Variants in NTM observed in about 807,000 individuals in gnomAD.
NTM encodes IgLON family member 2.
Under a neutral mutation model 42.1 loss-of-function variants are expected in NTM, and 13 were observed. That is an observed-to-expected ratio of 0.31 (90% CI 0.20 to 0.49). The LOEUF (loss-of-function observed/expected upper bound fraction) is 0.49, where lower values mean the gene tolerates loss of function less well. NTM is among the 20% of genes least tolerant of loss of function. The probability of loss-of-function intolerance (pLI) is 0.99; values close to 1 mark genes in which losing one functional copy is unlikely to be tolerated. For missense variants in NTM, 373 were observed against 452.8 expected (o/e 0.82, Z 1.60); for synonymous variants, 187 against 179.2 (o/e 1.04, Z -0.35).
At chr11:131,386,862 T>G (rs1565450666) in intron 1 of NTM, among the ~76,000 whole-genome samples, 1 of 152,190 alleles carries the variant, frequency 6.6e-6, no homozygotes, top group Non-Finnish European at 1.5e-5. Context: ...TCTTTATCCC[T>G]TTTTTTGATT....
intron 2 of NTM, among the ~76,000 whole-genome samples, chr11:132,106,634 G>C (rs1002789809): frequency 6.6e-6 from 1 of 152,214 alleles, no homozygotes; most frequent in Admixed American, 6.5e-5. Flanking sequence ...CATCCCATCT[G>C]TCTGTACCCA....
chr11:132,040,947 G>A (rs1354645455), intron 2 of NTM, among the ~76,000 whole-genome samples: 2 of 152,098 alleles, frequency 1.3e-5, no homozygotes, highest in East Asian at 1.9e-4. Flanking sequence ...CTAGCTCCAC[G>A]GTGTTATGAA....
chr11:131,671,653 G>C, intron 1 of NTM: 1 of 964,316 alleles, frequency 1.0e-6, no homozygotes. Context: ...GAACCACCAA[G>C]ACTCAGCGGT....
intron 1 of NTM, among the ~76,000 whole-genome samples, chr11:131,686,941 A>G (rs925091314): frequency 9.2e-5 from 14 of 152,218 alleles, no homozygotes; most frequent in African/African-American, 3.1e-4. Context: ...GCCAGGGCAC[A>G]CTGGAGTGAA....
intron 4 of NTM, among the ~76,000 whole-genome samples, chr11:132,249,164 A>G (rs1566575769): frequency 1.3e-5 from 2 of 152,240 alleles, no homozygotes; most frequent in South Asian, 4.1e-4. Flanking sequence ...AACTGGCATC[A>G]GCAAAGCAAT....
rs1422280198 is a variant in NTM, at chr11:132,335,494, C to A, written c.*348C>A. The A allele has an allele frequency of 1.1e-5, 3 of 263,898 alleles. No individual in the cohort carries two copies. Among genetic ancestry groups the A allele is most frequent in the Non-Finnish European group, 2.2e-5 (3 of 135,758 alleles). 16.3% of individuals were successfully genotyped at this position (263,898 alleles called of 1,614,324 possible). ...GCTCAGCCTCTCTGCCCACAGAGTGCCCCCACGTGGAACATTCTGGAGCTG... is the reference window on the plus strand; with the variant it reads ...GCTCAGCCTCTCTGCCCACAGAGTGACCCCACGTGGAACATTCTGGAGCTG... On this transcript the variant is annotated 3_prime_UTR_variant, in exon 9 of 9. Coordinates refer to ENST00000683400, the MANE Select transcript of NTM (RefSeq NM_001352005.2).
chr11:132,199,527 A>G (rs913350772), intron 3 of NTM, among the ~76,000 whole-genome samples: 3 of 152,164 alleles, frequency 2.0e-5, no homozygotes, highest in Non-Finnish European at 2.9e-5. Flanking sequence ...TGCATTTCTC[A>G]TAGTAAGTGG....
chr11:131,767,105 CAGTA>C (rs1200852245), intron 1 of NTM: 38 of 975,704 alleles, frequency 3.9e-5, no homozygotes, highest in Admixed American at 6.2e-5. Flanking sequence ...CTGGACAAGG[CAGTA>C]AGTAAGTCTC....
chr11:131,849,488 C>G lies in NTM; in HGVS notation c.83-62076C>G, dbSNP rs368720696. On this transcript the variant is annotated intron_variant, in intron 1 of 8. Coordinates refer to ENST00000683400, the MANE Select transcript of NTM (RefSeq NM_001352005.2). ...GAAGTGCCACACACTTTTAAAGGAC[C>G]AGGTCTTTGAAAAACTCACTATCAC... 3.5e-4 allele frequency among the ~76,000 whole-genome samples: 53 copies of G among 152,046 alleles called. 1 individual carries two copies. In the South Asian group the frequency reaches 0.011, roughly 30 times the overall value.
At chr11:131,415,548 T>C (rs1231982835) in intron 1 of NTM, among the ~76,000 whole-genome samples, 1 of 151,824 alleles carries the variant, frequency 6.6e-6, no homozygotes, top group Non-Finnish European at 1.5e-5. Context: ...TAGTAAAGAG[T>C]AGAACAGAAA....
chr11:131,866,535 C>T (rs2047241333), intron 1 of NTM, among the ~76,000 whole-genome samples: 1 of 152,234 alleles, frequency 6.6e-6, no homozygotes. Flanking sequence ...AAAACTAAGA[C>T]CCACCTCACA....
At chr11:131,772,508 A>C in intron 1 of NTM, among the ~76,000 whole-genome samples, 1 of 152,186 alleles carries the variant, frequency 6.6e-6, no homozygotes, top group South Asian at 2.1e-4. Context: ...GGAAAGGACC[A>C]CATGTCTAGA....
At chr11:131,487,475 T>C (rs1189554938) in intron 1 of NTM, among the ~76,000 whole-genome samples, 1 of 152,236 alleles carries the variant, frequency 6.6e-6, no homozygotes, top group Non-Finnish European at 1.5e-5. Context: ...AAACCCCCAA[T>C]TGAAATCCAG....
chr11:131,996,320 C>T lies in NTM; in HGVS notation c.167+84672C>T, dbSNP rs558731879. Reference sequence around the variant, plus strand: ...CCTCCCCTGCACCTGCCATACCCAGCACAGCGCCTGACACACATGTAGAGT... The same window carrying T: ...CCTCCCCTGCACCTGCCATACCCAGTACAGCGCCTGACACACATGTAGAGT... On this transcript the variant is annotated intron_variant, in intron 2 of 8. Transcript: ENST00000683400. Among the ~76,000 whole-genome samples the T allele has an allele frequency of 2.6e-5, 4 of 152,246 alleles. No individual in the cohort carries two copies. The South Asian group carries it at 8.3e-4, about 32-fold the overall frequency.
At chr11:132,261,583 A>T (rs1410524546) in intron 4 of NTM, among the ~76,000 whole-genome samples, 1 of 152,184 alleles carries the variant, frequency 6.6e-6, no homozygotes, top group African/African-American at 2.4e-5. Context: ...CATGTTCCAG[A>T]CCTAGTTAGA....
chr11:131,641,387 G>T (rs1362317746), intron 1 of NTM, among the ~76,000 whole-genome samples: 1 of 152,146 alleles, frequency 6.6e-6, no homozygotes. Flanking sequence ...TTTCACATTG[G>T]AACACTTTAA....
chr11:131,461,954 A>T (rs1270941782), intron 1 of NTM, among the ~76,000 whole-genome samples: 1 of 152,246 alleles, frequency 6.6e-6, no homozygotes, highest in Admixed American at 6.5e-5. Context: ...AGGTTTATGC[A>T]CACACAAAAC....
intron 2 of NTM, among the ~76,000 whole-genome samples, chr11:132,117,361 G>A (rs908698301): frequency 2.6e-5 from 4 of 152,134 alleles, no homozygotes; most frequent in Non-Finnish European, 4.4e-5. Flanking sequence ...TCTGAGCATG[G>A]GCCCCTCTCC....
At chr11:131,867,476 A>T (rs111261951) in intron 1 of NTM, among the ~76,000 whole-genome samples, 4,093 of 147,964 alleles carry the variant, frequency 0.028, 155 homozygotes, top group African/African-American at 0.095. Flanking sequence ...TGTGTGTCTG[A>T]GTGTGTGTCT....
Sources: gnomAD v4.1 joint callset for allele counts (sites outside exome capture counted in the v4.1 genomes callset) on GRCh38, gnomAD v4.1.1 for gene constraint, MANE v1.5 for transcripts, NCBI Gene and HGNC (gene_info 2026-07-23, HGNC 2026-07-21) for gene names.